The following AIG1 variants were observed in gnomAD, a reference collection of about 807,000 sequenced individuals.
AIG1 encodes the protein androgen-induced gene 1 protein.
A neutral mutation model predicts 31.4 loss-of-function variants in AIG1; 23 were observed. The ratio of observed to expected loss-of-function variants is 0.73; its 90% CI spans 0.53 to 1.04. AIG1 has a LOEUF of 1.04. AIG1 is among the 50% of genes least tolerant of loss of function. The pLI, the probability that AIG1 is intolerant of heterozygous loss-of-function variation, is 0.00. For synonymous variants in AIG1, 100 were observed against 110.5 expected (o/e 0.90, Z 0.60); for missense variants, 274 against 295.0 (o/e 0.93, Z 0.52).
chr6:143,212,080 C>T (rs571518007), intron 3 of AIG1, among the ~76,000 whole-genome samples: 166 of 152,210 alleles, frequency 1.1e-3, no homozygotes, highest in Middle Eastern at 3.4e-3. Flanking sequence ...GAATGTTTAG[C>T]AACATCCCTG....
chr6:143,290,071 G>A (rs1015896511), intron 4 of AIG1, among the ~76,000 whole-genome samples: 5 of 152,038 alleles, frequency 3.3e-5, no homozygotes, highest in South Asian at 2.1e-4. Context: ...TTGGAGAACC[G>A]AGTCCAAGAT....
At position 143,329,894 on chromosome 6, in the gene AIG1, G is replaced by T. The variant is rs1021415710; in HGVS notation, c.516-3388G>T. Among the ~76,000 whole-genome samples the T allele has an allele frequency of 4.6e-5, 7 of 152,140 alleles. No homozygotes were observed. The highest frequency in any genetic ancestry group is 1.7e-4 in the African/African-American group (7 of 41,420). On this transcript the variant is annotated intron_variant, in intron 4 of 5. Transcript: ENST00000357847. The surrounding 1 kb of genome is among the most constrained non-coding windows in gnomAD (Gnocchi z 4.9). ...GCACTACAATGGCGGAGTTGAGTAG[G>T]TGTGATCGAGACCATATGGGAATAT...
intron 3 of AIG1, among the ~76,000 whole-genome samples, chr6:143,174,426 G>A (rs1181071104): frequency 6.8e-6 from 1 of 147,256 alleles, no homozygotes; most frequent in Non-Finnish European, 1.5e-5. Flanking sequence ...GGTGGAAGTT[G>A]CAGTGAGCAG....
rs9403480 is a variant in AIG1 at position 143,284,335 on chromosome 6, G to T, written c.515+110G>T. Reference sequence around the variant, plus strand: ...CACTAACAGATTCACGCTGTGTGCCGCATTTGGTCCAAGACCTGGGCTTTG... The same window carrying T: ...CACTAACAGATTCACGCTGTGTGCCTCATTTGGTCCAAGACCTGGGCTTTG... On this transcript the variant is annotated intron_variant, in intron 4 of 5. Coordinates refer to ENST00000357847, the MANE Select transcript of AIG1 (RefSeq NM_016108.4). This position sits in a 1 kb window ranked among gnomAD's most constrained non-coding sequence, Gnocchi z 4.4. 0.68 allele frequency: 502,307 copies of T among 743,294 alleles called. 177,129 individuals are homozygous for T. Among genetic ancestry groups the T allele is most frequent in the East Asian group, 1 (35,870 of 35,890 alleles). The allele number at this position is 743,294 out of a possible 1,614,324, so 46.0% of individuals were successfully genotyped here.
downstream of AIG1, chr6:143,342,119 T>C (rs1777868728): frequency 2.2e-6 from 1 of 455,572 alleles, no homozygotes. Flanking sequence ...GAGACGGGTT[T>C]CTCCATGTTG....
chr6:143,158,905 T>C (rs1005772820), intron 2 of AIG1, among the ~76,000 whole-genome samples: 1 of 152,236 alleles, frequency 6.6e-6, no homozygotes, highest in African/African-American at 2.4e-5. Context: ...CCATGCTATA[T>C]GCCAGGCAGT....
In AIG1 at chr6:143,330,896, A is replaced by G. The variant is rs1777020804; in HGVS notation, c.516-2386A>G. Among the ~76,000 whole-genome samples the G allele has an allele frequency of 6.6e-6, 1 of 152,256 alleles. No homozygotes were observed. Among genetic ancestry groups the G allele is most frequent in the African/African-American group, 2.4e-5 (1 of 41,476 alleles). ...ACTGCTTCTAATTTATGGACAAACA[A>G]TATGATATCTCAGAATCCCACAGGG... is the stretch of plus-strand genomic sequence containing the variant. On this transcript the variant is annotated intron_variant, in intron 4 of 5. Transcript: ENST00000357847. The surrounding 1 kb of genome is among the most constrained non-coding windows in gnomAD (Gnocchi z 4.4).
intron 3 of AIG1, among the ~76,000 whole-genome samples, chr6:143,168,821 C>T (rs1375067274): frequency 6.6e-6 from 1 of 151,944 alleles, no homozygotes; most frequent in African/African-American, 2.4e-5. Flanking sequence ...AAAAAATTCT[C>T]ACATGTATTT....
In AIG1 at chr6:143,333,498, C is replaced by A; in HGVS notation, c.679+53C>A. ...CAAGAGAATTACTGCCGGCAACAGT[C>A]TATGCAGAGACTGAGGGAAAATTCC... On this transcript the variant is annotated intron_variant, in intron 5 of 5. Transcript: ENST00000357847. The surrounding 1 kb of genome is among the most constrained non-coding windows in gnomAD (Gnocchi z 4.6). The A allele has an allele frequency of 1.3e-6, 2 of 1,581,406 alleles. No homozygotes were observed. The highest frequency in any genetic ancestry group is 2.3e-5 in the South Asian group (2 of 87,654).
Position 143,288,429 on chromosome 6 carries a change from T to TG in AIG1, c.515+4204_515+4205insG, listed in dbSNP as rs138173677. Among the ~76,000 whole-genome samples the TG allele has an allele frequency of 0.13, 19,327 of 152,144 alleles. 1,526 individuals are homozygous for TG. Among genetic ancestry groups the TG allele is most frequent in the East Asian group, 0.36 (1,847 of 5,130 alleles). ...GGACACATCAAGAGCAAGTAGGCCT[T>TG]AGTGAAGGGGACAAAATGGATCCTG... On this transcript the variant is annotated intron_variant, in intron 4 of 5. Coordinates refer to ENST00000357847, the MANE Select transcript of AIG1 (RefSeq NM_016108.4). This position sits in a 1 kb window ranked among gnomAD's most constrained non-coding sequence, Gnocchi z 4.4.
At chr6:143,217,338 A>G (rs1792109151) in intron 3 of AIG1, among the ~76,000 whole-genome samples, 1 of 152,246 alleles carries the variant, frequency 6.6e-6, no homozygotes, top group African/African-American at 2.4e-5. Flanking sequence ...TCCAAAGAGT[A>G]CAGTCATTAA....
rs532809144 is a variant in AIG1, at chr6:143,214,234, G to A, written c.399+49051G>A. Among the ~76,000 whole-genome samples the A allele has an allele frequency of 7.9e-5, 12 of 152,280 alleles. No individual in the cohort carries two copies. The South Asian group carries it at 2.3e-3, about 29-fold the overall frequency. ...TGGACTGAATTTAGGGTGACCAGTC[G>A]AGTCTGGAATGCTCATTGCTCTCAA... On this transcript the variant is annotated intron_variant, in intron 3 of 5. Transcript: ENST00000357847.
chr6:143,254,220 T>A (rs1432915012), intron 3 of AIG1, among the ~76,000 whole-genome samples: 1 of 152,174 alleles, frequency 6.6e-6, no homozygotes, highest in Admixed American at 6.5e-5. Flanking sequence ...GAAAGCCACT[T>A]TGCAACATGA....
At chr6:143,143,552 T>TAC (rs1254186009) in intron 2 of AIG1, among the ~76,000 whole-genome samples, 15 of 112,036 alleles carry the variant, frequency 1.3e-4, no homozygotes, top group African/African-American at 3.8e-4. Flanking sequence ...TATATATATA[T>TAC]ATACACACAC....
At chr6:143,103,501 CTT>C (rs1173435325) in intron 1 of AIG1, among the ~76,000 whole-genome samples, 6,125 of 83,380 alleles carry the variant, frequency 0.073, 136 homozygotes, top group African/African-American at 0.28. Context: ...CAGAAGTTTT[CTT>C]TTTTTTTTTT....
chr6:143,287,065 A>G (rs1797731766), intron 4 of AIG1, among the ~76,000 whole-genome samples: 1 of 149,984 alleles, frequency 6.7e-6, no homozygotes, highest in African/African-American at 2.5e-5. Context: ...CCCAGCCCAA[A>G]CATCACCTGT....
At chr6:143,108,331 G>GT (rs1367565975) in intron 1 of AIG1, among the ~76,000 whole-genome samples, 2 of 152,278 alleles carry the variant, frequency 1.3e-5, no homozygotes, top group Admixed American at 6.5e-5. Flanking sequence ...ATTACTCAAT[G>GT]TAAGACAATA....
chr6:143,142,046 A>G (rs1306224299), intron 2 of AIG1, among the ~76,000 whole-genome samples: 2 of 152,060 alleles, frequency 1.3e-5, no homozygotes, highest in Admixed American at 1.3e-4. Context: ...AAAAAGAACA[A>G]TTATTTATAT....
intron 3 of AIG1, among the ~76,000 whole-genome samples, chr6:143,191,245 A>G (rs572162602): frequency 6.6e-6 from 1 of 152,290 alleles, no homozygotes; most frequent in Non-Finnish European, 1.5e-5. Flanking sequence ...CTATTGCAAT[A>G]AAATACTGGC....
Sources: gnomAD v4.1 joint callset for allele counts (sites outside exome capture counted in the v4.1 genomes callset) on GRCh38, gnomAD v4.1.1 for gene constraint, Gnocchi (gnomAD v3.1) non-coding constraint, MANE v1.5 for transcripts, NCBI Gene and HGNC (gene_info 2026-07-23, HGNC 2026-07-21) for gene names.